VPS35: variants seen among roughly 807,000 people sequenced by gnomAD.
VPS35 encodes the protein VPS35 retromer complex component, also known as vacuolar protein sorting-associated protein 35.
A neutral mutation model predicts 98.1 loss-of-function variants in VPS35; 21 were observed. That is an observed-to-expected ratio of 0.21 (90% CI 0.15 to 0.31). The LOEUF (loss-of-function observed/expected upper bound fraction) is 0.31. Ranked by LOEUF, VPS35 falls within the 10% of genes least tolerant of loss-of-function variation. The probability of loss-of-function intolerance (pLI) is 1.00; values close to 1 mark genes in which losing one functional copy is unlikely to be tolerated. For synonymous variants in VPS35, 268 were observed against 318.2 expected (o/e 0.84, Z 1.68); for missense variants, 554 against 950.8 (o/e 0.58, Z 5.49).
rs1430090031 is a variant in VPS35 at position 46,660,613 on chromosome 16, A to G, written c.2250T>C (p.Ile750=). ...ATTCAAGATTCGGGAGGTCTTCTCG[A>G]ATCTTTTGGATAAGCTGGTTTAAAA... ...IQVLNQLIQK[I]REDLPNLESS... Residue 750 remains isoleucine, a synonymous_variant, in exon 17 of 17, where the codon ATT becomes ATC. Transcript: ENST00000299138. 6.2e-7 allele frequency: 1 copy of G among 1,614,074 alleles called. No homozygotes were observed. Among genetic ancestry groups the G allele is most frequent in the Admixed American group, 1.7e-5 (1 of 60,008 alleles).
At chr16:46,665,744 G>C (rs1465760866) in intron 13 of VPS35, among the ~76,000 whole-genome samples, 1 of 152,222 alleles carries the variant, frequency 6.6e-6, no homozygotes, top group South Asian at 2.1e-4. Flanking sequence ...TCTTATAACT[G>C]AAAGTTTGTA....
At chr16:46,662,517 C>G (rs1462041827) in intron 14 of VPS35, 35 bp from the exon 15 acceptor site, 2 of 1,610,414 alleles carry the variant, frequency 1.2e-6, no homozygotes, top group Non-Finnish European at 1.7e-6. Flanking sequence ...CTTTCAAGGA[C>G]CAACCATCCT....
At chr16:46,668,099 T>C (rs2143006846) in intron 13 of VPS35, among the ~76,000 whole-genome samples, 1 of 152,148 alleles carries the variant, frequency 6.6e-6, no homozygotes. Context: ...TACGAGAAAA[T>C]CAAGTCCATA....
At position 46,659,514 on chromosome 16, in the gene VPS35, T is replaced by C. The variant is rs1202798225; in HGVS notation, c.*958A>G. 6.6e-6 allele frequency: 1 copy of C among 152,228 alleles called. No homozygotes were observed. The highest frequency in any genetic ancestry group is 1.5e-5 in the Non-Finnish European group (1 of 68,050). The allele number at this position is 152,228 out of a possible 1,614,324, so 9.4% of individuals were successfully genotyped here. A position where few individuals can be genotyped will look rare whatever the true frequency, so the allele number is the denominator to read the frequency against. Reference sequence around the variant, plus strand: ...TAAAGTTGAGGAAAGAAAAGGGGTATAAATGACTAAAAGAGTAGATGCTGC... The same window carrying C: ...TAAAGTTGAGGAAAGAAAAGGGGTACAAATGACTAAAAGAGTAGATGCTGC... On this transcript the variant is annotated 3_prime_UTR_variant, in exon 17 of 17. Transcript: ENST00000299138.
intron 12 of VPS35, among the ~76,000 whole-genome samples, chr16:46,671,207 CAA>C (rs1966063389): frequency 6.6e-6 from 1 of 151,692 alleles, no homozygotes; most frequent in Admixed American, 6.6e-5. Context: ...TTCAATATGA[CAA>C]ATATAATTTA....
At chr16:46,680,180 G>A (rs1181052495) in intron 5 of VPS35, among the ~76,000 whole-genome samples, 2 of 152,126 alleles carry the variant, frequency 1.3e-5, no homozygotes, top group African/African-American at 4.8e-5. Context: ...AGACAGGAGT[G>A]TCTCTGAATG....
At chr16:46,676,513 T>C in intron 8 of VPS35, 70 bp downstream of exon 8, 1 of 951,584 alleles carries the variant, frequency 1.1e-6, no homozygotes, top group East Asian at 2.5e-5. Context: ...AAACAAATAA[T>C]TCAAAAAAAT....
chr16:46,663,781 G>A (rs1301327993), intron 13 of VPS35, among the ~76,000 whole-genome samples: 4 of 144,058 alleles, frequency 2.8e-5, no homozygotes, highest in Non-Finnish European at 6.0e-5. Flanking sequence ...TTGCAGCCTT[G>A]AACTCCTGGG....
chr16:46,661,643 T>C lies in VPS35; in HGVS notation c.2211+75A>G. On this transcript the variant is annotated intron_variant, in intron 16 of 16. Coordinates refer to ENST00000299138, the MANE Select transcript of VPS35 (RefSeq NM_018206.6). This position sits in a 1 kb window ranked among gnomAD's most constrained non-coding sequence, Gnocchi z 4.3. ...ATTAAAGTATCAGAATGATAAACTT[T>C]TGTACATATCAAATCTCCTAAGAGT... 2 of 1,355,230 alleles carry C rather than the reference T, an allele frequency of 1.5e-6. 1 individual carries two copies. The highest frequency in any genetic ancestry group is 3.6e-5 in the Admixed American group (2 of 55,844). The allele number at this position is 1,355,230 out of a possible 1,614,324, so 84.0% of individuals were successfully genotyped here.
intron 12 of VPS35, among the ~76,000 whole-genome samples, chr16:46,670,021 T>A (rs1966045031): frequency 6.6e-6 from 1 of 152,238 alleles, no homozygotes; most frequent in South Asian, 2.1e-4. Flanking sequence ...GAGCTACTTG[T>A]GAAATATTCC....
At chr16:46,684,157 A>G (rs1206043024) in intron 1 of VPS35, among the ~76,000 whole-genome samples, 2 of 152,232 alleles carry the variant, frequency 1.3e-5, no homozygotes, top group Non-Finnish European at 2.9e-5. Flanking sequence ...GGCTGGCCTC[A>G]AAGAAACTTG....
intron 1 of VPS35, among the ~76,000 whole-genome samples, chr16:46,685,043 G>C (rs748630708): frequency 3.9e-5 from 6 of 152,178 alleles, no homozygotes; most frequent in Non-Finnish European, 7.3e-5. Context: ...CACTTAATGG[G>C]CACTGGCTTT....
At position 46,661,767 on chromosome 16, in the gene VPS35, A is replaced by G. The variant is rs1555522974; in HGVS notation, c.2162T>C (p.Ile721Thr). ...MDPSLQVQLFIEILNRYIYFY... is the reference protein window; with the variant it reads ...MDPSLQVQLFTEILNRYIYFY... ...ATAGATATATCTGTTCAGAATTTCT[A>G]TAAAAAGCTGCACTTGTAGAGAGGG... is the stretch of plus-strand genomic sequence containing the variant. The change falls in exon 16 of 17, where the codon ATA (isoleucine) becomes ACA (threonine). Residue 721 changes from isoleucine to threonine, a missense_variant. Physicochemically the swap from Ile to Thr is moderately conservative, Grantham distance 89 (BLOSUM62 -1). Around this residue, in one of 5 missense-constraint regions of VPS35, gnomAD observed 153 missense variants for 211.0 expected, o/e 0.73. Coordinates refer to ENST00000299138, the MANE Select transcript of VPS35 (RefSeq NM_018206.6). This position sits in a 1 kb window ranked among gnomAD's most constrained non-coding sequence, Gnocchi z 4.3. The G allele has an allele frequency of 1.2e-6, 2 of 1,613,778 alleles. No individual in the cohort carries two copies. Among genetic ancestry groups the G allele is most frequent in the Non-Finnish European group, 1.7e-6 (2 of 1,179,658 alleles).
intron 13 of VPS35, among the ~76,000 whole-genome samples, chr16:46,663,817 T>G (rs1332217418): frequency 1.4e-5 from 2 of 139,604 alleles, no homozygotes; most frequent in African/African-American, 5.3e-5. Context: ...CACCTCAGAC[T>G]CCCGAATAGC....
At position 46,663,012 on chromosome 16, in the gene VPS35, C is replaced by T. The variant is rs1311302704; in HGVS notation, c.1798G>A (p.Glu600Lys). The change falls in exon 14 of 17, where the codon GAG (glutamate) becomes AAG (lysine). Residue 600 changes from glutamate (E) to lysine (K), a missense_variant. Physicochemically the swap from Glu to Lys is moderately conservative, Grantham distance 56. Around this residue, in one of 5 missense-constraint regions of VPS35, gnomAD observed 254 missense variants for 390.1 expected, o/e 0.65. Transcript: ENST00000299138. The part of the protein sequence containing the change: ...AAGEIGFENH[E>K]TVAYEFMSQA... ...GACATGAATTCATATGCGACTGTCTCATGATTTTCAAAACCAATTTCCCCA... is the reference window on the plus strand; with the variant it reads ...GACATGAATTCATATGCGACTGTCTTATGATTTTCAAAACCAATTTCCCCA... The T allele has an allele frequency of 6.2e-7, 1 of 1,614,088 alleles. No individual in the cohort carries two copies. Among genetic ancestry groups the T allele is most frequent in the African/African-American group, 1.3e-5 (1 of 74,920 alleles).
At chr16:46,662,551 C>G in intron 14 of VPS35, 69 bp from the exon 15 acceptor site, 1 of 1,601,264 alleles carries the variant, frequency 6.2e-7, no homozygotes, top group Non-Finnish European at 8.5e-7. Flanking sequence ...TTCCAAAGTA[C>G]TTGTCACCAA....
chr16:46,672,017 A>G (rs908703549), intron 11 of VPS35, among the ~76,000 whole-genome samples, 157 bp from the exon 12 acceptor site: 3 of 152,260 alleles, frequency 2.0e-5, no homozygotes, highest in African/African-American at 7.2e-5. Context: ...TCATACACAC[A>G]TATACAGACA....
intron 13 of VPS35, among the ~76,000 whole-genome samples, chr16:46,665,679 G>C (rs187543466): frequency 1.3e-5 from 2 of 151,762 alleles, no homozygotes; most frequent in African/African-American, 4.8e-5. Flanking sequence ...ATAAGTAAAG[G>C]CTAGTTACTT....
intron 1 of VPS35, among the ~76,000 whole-genome samples, chr16:46,687,600 C>G (rs544289111): frequency 6.6e-6 from 1 of 152,128 alleles, no homozygotes; most frequent in Non-Finnish European, 1.5e-5. Context: ...CACTGTATTA[C>G]AGTTAAGTTC....
Sources: allele counts gnomAD v4.1 joint callset (sites outside exome capture counted in the v4.1 genomes callset), GRCh38; gene constraint gnomAD v4.1.1; regional missense constraint gnomAD v4.1.1; non-coding constraint Gnocchi (gnomAD v3.1); transcripts MANE v1.5; gene names NCBI Gene and HGNC (gene_info 2026-07-23, HGNC 2026-07-21).